Variants in SPIDR observed in about 807,000 individuals in gnomAD.
SPIDR encodes the protein DNA repair-scaffolding protein.
In SPIDR, 93 loss-of-function variants were observed where a neutral mutation model predicts 104.6. The observed-to-expected ratio is 0.89, with a 90% confidence interval of 0.75 to 1.06. SPIDR has a LOEUF of 1.06. SPIDR is among the 50% of genes least tolerant of loss of function. SPIDR has a pLI of 0.00. For missense variants in SPIDR, 1,154 were observed against 1,111.2 expected (o/e 1.04, Z -0.55); for synonymous variants, 431 against 416.9 (o/e 1.03, Z -0.41).
chr8:47,610,643 T>C (rs890668063), intron 10 of SPIDR, among the ~76,000 whole-genome samples: 5 of 152,194 alleles, frequency 3.3e-5, no homozygotes, highest in African/African-American at 1.2e-4. Context: ...TCCACAGTTC[T>C]CAATGGCTTG....
At chr8:47,549,169 T>C (rs566077121) in intron 8 of SPIDR, among the ~76,000 whole-genome samples, 1 of 152,378 alleles carries the variant, frequency 6.6e-6, no homozygotes, top group Admixed American at 6.5e-5. Context: ...CAGTCTATCA[T>C]TGATGGACAT....
At chr8:47,467,166 A>G (rs1554717970) in intron 8 of SPIDR, among the ~76,000 whole-genome samples, 1 of 152,116 alleles carries the variant, frequency 6.6e-6, no homozygotes, top group East Asian at 1.9e-4. Flanking sequence ...TGAACTAGGA[A>G]GAAATTGAAT....
At chr8:47,314,621 AATAGCATGAGG>A (rs1264478560) in intron 5 of SPIDR, among the ~76,000 whole-genome samples, 1 of 152,226 alleles carries the variant, frequency 6.6e-6, no homozygotes, top group East Asian at 1.9e-4. Context: ...TTATCACGAG[AATAGCATGAGG>A]GTAACTGCTC....
In SPIDR at chr8:47,440,535, C is replaced by T; in HGVS notation, c.1090C>T (p.Pro364Ser). Residue 364 changes from proline to serine, a missense_variant, in exon 8 of 20, where the codon CCT (proline) becomes TCT (serine). Transcript: ENST00000297423. ...TCCCCAGGACACTGTCCGGATCTTC[C>T]CTCCCTGGTGAGTGCGCAGAACTTA... ...GRPQDTVRIF[P>S]PWQKLIIPSG... 1.2e-6 allele frequency: 2 copies of T among 1,613,712 alleles called. No individual in the cohort carries two copies. Among genetic ancestry groups the T allele is most frequent in the Non-Finnish European group, 1.7e-6 (2 of 1,179,740 alleles).
chr8:47,649,838 C>T (rs2071279023), intron 10 of SPIDR, among the ~76,000 whole-genome samples: 1 of 151,708 alleles, frequency 6.6e-6, no homozygotes, highest in African/African-American at 2.4e-5. Context: ...ATCACATTAA[C>T]AAAATAAAAA....
rs1031920347 is a variant in SPIDR, at chr8:47,670,097, G to C, written c.1545-3704G>C. ...CCTTAATGTAATCACATGTGGAGGG[G>C]TAGGGGCCACCATGGGTTGTTCTCT... On this transcript the variant is annotated intron_variant, in intron 10 of 19. Transcript: ENST00000297423. Among the ~76,000 whole-genome samples, 3 of 152,122 alleles carry C rather than the reference G, an allele frequency of 2.0e-5. No homozygotes were observed. In the South Asian group the frequency reaches 6.2e-4, roughly 32 times the overall value.
At chr8:47,414,148 T>C (rs574909615) in intron 7 of SPIDR, among the ~76,000 whole-genome samples, 4 of 152,316 alleles carry the variant, frequency 2.6e-5, no homozygotes, top group Non-Finnish European at 2.9e-5. Flanking sequence ...TAAAGTCTTA[T>C]GATTTTGATG....
chr8:47,547,720 C>A, intron 8 of SPIDR: 3 of 163,682 alleles, frequency 1.8e-5, no homozygotes, highest in South Asian at 3.1e-4. Flanking sequence ...CATGAGCTGC[C>A]ACGGTGGGCC....
intron 8 of SPIDR, among the ~76,000 whole-genome samples, chr8:47,519,123 TTTGTTG>T (rs371410579): frequency 5.8e-4 from 87 of 151,098 alleles, no homozygotes; most frequent in East Asian, 3.1e-3. Flanking sequence ...GGCTATGTGT[TTTGTTG>T]TTGTTGTTGT....
intron 3 of SPIDR, among the ~76,000 whole-genome samples, chr8:47,285,569 A>G (rs1428246739): frequency 1.3e-5 from 2 of 152,284 alleles, no homozygotes; most frequent in East Asian, 1.9e-4. Flanking sequence ...ATACTTCAGT[A>G]TCTGTTCTAG....
chr8:47,294,140 T>A, intron 5 of SPIDR, 110 bp downstream of exon 5: 1 of 1,382,876 alleles, frequency 7.2e-7, no homozygotes, highest in Non-Finnish European at 9.7e-7. Flanking sequence ...GAACAACCAC[T>A]TTTGACTCTT....
At chr8:47,641,348 TCTGTACTA>T (rs951311375) in intron 10 of SPIDR, among the ~76,000 whole-genome samples, 34 of 152,128 alleles carry the variant, frequency 2.2e-4, no homozygotes, top group African/African-American at 7.2e-4. Context: ...TTGACTTTTC[TCTGTACTA>T]CTTGCTATAT....
At chr8:47,322,319 C>T (rs1165754385) in intron 5 of SPIDR, among the ~76,000 whole-genome samples, 4 of 152,148 alleles carry the variant, frequency 2.6e-5, no homozygotes, top group African/African-American at 9.7e-5. Context: ...TTTATGCAGC[C>T]AAAAGACACT....
In SPIDR at chr8:47,650,637, T is replaced by C. The variant is rs530893540; in HGVS notation, c.1545-23164T>C. ...AATTCATAGGCACCAAAAAAGAGCC[T>C]GAATAGCCAAAGCAATAGTAAGCAA... On this transcript the variant is annotated intron_variant, in intron 10 of 19. Transcript: ENST00000297423. Among the ~76,000 whole-genome samples the C allele has an allele frequency of 3.9e-5, 6 of 152,242 alleles. No individual in the cohort carries two copies. The East Asian group carries it at 1.2e-3, about 29-fold the overall frequency.
chr8:47,451,868 G>A lies in SPIDR; in HGVS notation c.1097+11326G>A, dbSNP rs146636114. Among the ~76,000 whole-genome samples the A allele has an allele frequency of 3.7e-3, 561 of 152,214 alleles. 5 individuals are homozygous for A. The highest frequency in any genetic ancestry group is 0.014 in the Middle Eastern group (4 of 294). On this transcript the variant is annotated intron_variant, in intron 8 of 19. Transcript: ENST00000297423. ...ACAATGTCTGCCAGCTTTTGTGCCA[G>A]CCCCTCAGTGATCAAGCGCAGCAAT...
At chr8:47,470,815 A>G (rs980753267) in intron 8 of SPIDR, among the ~76,000 whole-genome samples, 18 of 151,882 alleles carry the variant, frequency 1.2e-4, no homozygotes, top group Non-Finnish European at 2.1e-4. Flanking sequence ...GCTCACTGCA[A>G]GCTCTGCCTC....
intron 19 of SPIDR, chr8:47,732,094 G>A (rs2085341268): frequency 2.9e-6 from 2 of 701,564 alleles, no homozygotes; most frequent in African/African-American, 1.7e-5. Context: ...AATGGACAGT[G>A]CTTGACACCC....
At chr8:47,486,786 A>G (rs1554731637) in intron 8 of SPIDR, among the ~76,000 whole-genome samples, 1 of 152,236 alleles carries the variant, frequency 6.6e-6, no homozygotes, top group East Asian at 1.9e-4. Context: ...AATCCTTTAC[A>G]GACAAGCAAA....
rs901584071 is a variant in SPIDR, at chr8:47,279,864, A to G, written c.36A>G (p.Arg12=). The change falls in exon 2 of 20, where the codon AGA becomes AGG. Residue 12 remains arginine, a splice_region_variant and synonymous_variant. Coordinates refer to ENST00000297423, the MANE Select transcript of SPIDR (RefSeq NM_001080394.4). ...PRGSRARGSK[R]KRSWNTECPS... is the part of the protein sequence containing the mutation. ...TCTTTTAAAAATCATCTCCACAGAG[A>G]AAAAGGAGTTGGAATACAGAATGCC... is the stretch of plus-strand genomic sequence containing the variant. 2.8e-5 allele frequency: 45 copies of G among 1,604,464 alleles called. No individual in the cohort carries two copies. Among genetic ancestry groups the G allele is most frequent in the Admixed American group, 3.4e-5 (2 of 57,978 alleles).
Sources: allele counts gnomAD v4.1 joint callset (sites outside exome capture counted in the v4.1 genomes callset), GRCh38; gene constraint gnomAD v4.1.1; transcripts MANE v1.5; gene names NCBI Gene and HGNC (gene_info 2026-07-23, HGNC 2026-07-21).